The following SLC18B1 variants were observed in gnomAD, a reference collection of about 807,000 sequenced individuals.
SLC18B1 encodes MFS-type transporter SLC18B1.
A neutral mutation model predicts 53.9 loss-of-function variants in SLC18B1; 62 were observed. The ratio of observed to expected loss-of-function variants is 1.15; its 90% CI spans 0.94 to 1.42. The LOEUF (loss-of-function observed/expected upper bound fraction) is 1.42, where lower values mean the gene tolerates loss of function less well. Ranked by LOEUF, SLC18B1 falls within the 40% of genes most tolerant of loss-of-function variation. The probability of loss-of-function intolerance (pLI) is 0.00; values close to 1 mark genes in which losing one functional copy is unlikely to be tolerated. For synonymous variants in SLC18B1, 217 were observed against 200.9 expected (o/e 1.08, Z -0.68); for missense variants, 598 against 547.3 (o/e 1.09, Z -0.93).
At chr6:132,797,250 A>G in intron 1 of SLC18B1, 129 bp from the exon 2 acceptor site, 3 of 1,123,542 alleles carry the variant, frequency 2.7e-6, no homozygotes, top group Non-Finnish European at 3.8e-6. Flanking sequence ...TATTTTGAAT[A>G]TAGCACATTT....
At chr6:132,785,921 GA>G (rs1482466367) in intron 5 of SLC18B1, among the ~76,000 whole-genome samples, 3 of 127,012 alleles carry the variant, frequency 2.4e-5, no homozygotes, top group East Asian at 2.2e-4. Flanking sequence ...AAAAAAGAAA[GA>G]AAAAAAGAAA....
intron 5 of SLC18B1, among the ~76,000 whole-genome samples, chr6:132,785,897 C>CCAAAAAAAAAAA (rs1781356092): frequency 1.2e-5 from 1 of 81,180 alleles, no homozygotes; most frequent in East Asian, 4.2e-4. Context: ...CCTGTCTCTA[C>CCAAAAAAAAAAA]AAAAAAAAAA....
intron 2 of SLC18B1, 23 bp downstream of exon 2, chr6:132,796,959 C>T: frequency 6.2e-7 from 1 of 1,603,266 alleles, no homozygotes; most frequent in Non-Finnish European, 8.5e-7. Flanking sequence ...AACAGAGGTC[C>T]TAAGGATTTA....
intron 5 of SLC18B1, among the ~76,000 whole-genome samples, chr6:132,785,204 G>A (rs968396014): frequency 3.3e-5 from 5 of 151,904 alleles, no homozygotes; most frequent in Non-Finnish European, 5.9e-5. Context: ...TGCAATATCT[G>A]TTGCCTTCCC....
intron 8 of SLC18B1, among the ~76,000 whole-genome samples, chr6:132,775,939 C>T (rs1488403473): frequency 1.3e-5 from 2 of 152,132 alleles, no homozygotes; most frequent in Non-Finnish European, 2.9e-5. Flanking sequence ...TGTGGTGGCA[C>T]ATGCCTATAA....
intron 2 of SLC18B1, among the ~76,000 whole-genome samples, chr6:132,792,224 TCA>T (rs1491249948): frequency 1.7e-4 from 7 of 42,334 alleles, no homozygotes; most frequent in African/African-American, 7.9e-4. Flanking sequence ...CAAGACACTG[TCA>T]GAAAGAAAGA....
chr6:132,783,022 G>A (rs6920369), intron 6 of SLC18B1, among the ~76,000 whole-genome samples: 7,356 of 152,086 alleles, frequency 0.048, 612 homozygotes, highest in African/African-American at 0.17. Flanking sequence ...TGATCTGCCC[G>A]CCTCGGCCTC....
At position 132,797,089 on chromosome 6, in the gene SLC18B1, G is replaced by C. The variant is rs1781713338; in HGVS notation, c.76C>G (p.Pro26Ala). Reference protein sequence around the residue: ...DDPAGSAGETPGWLSREQVFV... With the variant: ...DDPAGSAGETAGWLSREQVFV... ...ACCTGTTCTCTCGAAAGCCACCCGGGGGTCTCTCCTGCACTTCCTGCAGGA... is the reference window on the plus strand; with the variant it reads ...ACCTGTTCTCTCGAAAGCCACCCGGCGGTCTCTCCTGCACTTCCTGCAGGA... The change falls in exon 2 of 14, where the codon CCC becomes GCC. Residue 26 changes from proline (P) to alanine (A), a missense_variant. Coordinates refer to ENST00000275227, the MANE Select transcript of SLC18B1 (RefSeq NM_052831.3). The C allele has an allele frequency of 4.3e-6, 7 of 1,614,034 alleles. No homozygotes were observed. The African/African-American group carries it at 6.7e-5, about 15-fold the overall frequency.
rs1054288140 is a variant in SLC18B1 at position 132,770,183 on chromosome 6, G to A, written c.*87C>T. 2.7e-5 allele frequency: 31 copies of A among 1,148,104 alleles called. No homozygotes were observed. The highest frequency in any genetic ancestry group is 1.0e-4 in the South Asian group (8 of 77,122). The allele number at this position is 1,148,104 out of a possible 1,614,324, so 71.1% of individuals were successfully genotyped here. On this transcript the variant is annotated 3_prime_UTR_variant, in exon 14 of 14. Transcript: ENST00000275227. ...GCACGGGGTCCACGGAGTTTTGCGC[G>A]TAAAATTTTAAAAACCCTTCCTACG... is the stretch of plus-strand genomic sequence containing the variant.
At position 132,792,291 on chromosome 6, in the gene SLC18B1, G is replaced by GAAAGAAAGAAAGAAAGAAA. The variant is rs1562271470; in HGVS notation, c.184-2020_184-2019insTTTCTTTCTTTCTTTCTTT. 4.6e-4 allele frequency among the ~76,000 whole-genome samples: 31 copies of GAAAGAAAGAAAGAAAGAAA among 67,048 alleles called. 2 individuals are homozygous for GAAAGAAAGAAAGAAAGAAA. Among genetic ancestry groups the GAAAGAAAGAAAGAAAGAAA allele is most frequent in the African/African-American group, 2.9e-3 (30 of 10,310 alleles). The allele number at this position is 67,048 out of a possible 152,430, so 44.0% of individuals were successfully genotyped here. The stretch of plus-strand genomic sequence containing the variant: ...AGAAAGAAAGAAAGAAAGGAAGAAA[G>GAAAGAAAGAAAGAAAGAAA]GAAGGAAGGAAGGAAGGAAGGAAGG... On this transcript the variant is annotated intron_variant, in intron 2 of 13. Coordinates refer to ENST00000275227, the MANE Select transcript of SLC18B1 (RefSeq NM_052831.3).
In SLC18B1 at chr6:132,770,180, C is replaced by T. The variant is rs1000035342; in HGVS notation, c.*90G>A. On this transcript the variant is annotated 3_prime_UTR_variant, in exon 14 of 14. Transcript: ENST00000275227. ...CTGGCACGGGGTCCACGGAGTTTTG[C>T]GCGTAAAATTTTAAAAACCCTTCCT... The T allele has an allele frequency of 2.8e-5, 30 of 1,063,514 alleles. No individual in the cohort carries two copies. The highest frequency in any genetic ancestry group is 2.1e-4 in the South Asian group (16 of 75,172). 65.9% of individuals were successfully genotyped at this position (1,063,514 alleles called of 1,614,324 possible). A position where few individuals can be genotyped will look rare whatever the true frequency, so the allele number is the denominator to read the frequency against.
rs1247118997 is a variant in SLC18B1, at chr6:132,769,815, T to A, written c.*455A>T. 6.6e-6 allele frequency: 1 copy of A among 152,452 alleles called. No individual in the cohort carries two copies. The highest frequency in any genetic ancestry group is 1.5e-5 in the Non-Finnish European group (1 of 68,212). The allele number at this position is 152,452 out of a possible 1,614,324, so 9.4% of individuals were successfully genotyped here. A position where few individuals can be genotyped will look rare whatever the true frequency, so the allele number is the denominator to read the frequency against. ...TATCTTTTAAAAACTGATTTCATAG[T>A]AATGTTTCTACATATTTTGAAGCAC... On this transcript the variant is annotated 3_prime_UTR_variant, in exon 14 of 14. Transcript: ENST00000275227.
At chr6:132,779,132 G>C (rs1482913798) in intron 7 of SLC18B1, 136 bp downstream of exon 7, 1 of 899,236 alleles carries the variant, frequency 1.1e-6, no homozygotes. Flanking sequence ...AGAGGGACAC[G>C]CTACCTCGGT....
intron 8 of SLC18B1, among the ~76,000 whole-genome samples, chr6:132,775,164 C>G (rs1048277230): frequency 1.3e-5 from 2 of 152,124 alleles, no homozygotes; most frequent in South Asian, 4.1e-4. Context: ...GCTCCCTTGC[C>G]CATTCCATCA....
At chr6:132,793,822 C>A (rs1442587873) in intron 2 of SLC18B1, among the ~76,000 whole-genome samples, 2 of 152,178 alleles carry the variant, frequency 1.3e-5, no homozygotes, top group African/African-American at 4.8e-5. Flanking sequence ...AATACTCAGC[C>A]TATAGTCCTC....
chr6:132,787,290 A>T, intron 5 of SLC18B1, 144 bp downstream of exon 5: 1 of 663,500 alleles, frequency 1.5e-6, no homozygotes, highest in Non-Finnish European at 2.3e-6. Context: ...GCTTGCTGCT[A>T]GTCAAACTCG....
intron 2 of SLC18B1, among the ~76,000 whole-genome samples, chr6:132,795,888 A>G (rs1015246403): frequency 6.6e-6 from 1 of 152,232 alleles, no homozygotes; most frequent in Non-Finnish European, 1.5e-5. Context: ...GCTAGAGTCC[A>G]TAAGAAATTA....
At chr6:132,786,759 CAGAG>C (rs140831716) in intron 5 of SLC18B1, among the ~76,000 whole-genome samples, 1 of 149,838 alleles carries the variant, frequency 6.7e-6, no homozygotes, top group Non-Finnish European at 1.5e-5. Context: ...TGCGTGGGCC[CAGAG>C]AGAGAGAGAG....
intron 11 of SLC18B1, among the ~76,000 whole-genome samples, chr6:132,771,419 T>A (rs1780971947): frequency 6.6e-6 from 1 of 152,220 alleles, no homozygotes; most frequent in South Asian, 2.1e-4. Flanking sequence ...ATTATTCTAT[T>A]CTCAGTATTT....
Sources: allele counts gnomAD v4.1 joint callset (sites outside exome capture counted in the v4.1 genomes callset), GRCh38; gene constraint gnomAD v4.1.1; transcripts MANE v1.5; gene names NCBI Gene and HGNC (gene_info 2026-07-23, HGNC 2026-07-21).